CDH22: variants seen among roughly 807,000 people sequenced by gnomAD.
CDH22 encodes the protein cadherin-22.
A neutral mutation model predicts 58.4 loss-of-function variants in CDH22; 30 were observed. The ratio of observed to expected loss-of-function variants is 0.51; its 90% CI spans 0.38 to 0.70. The LOEUF is 0.70. CDH22 is among the 30% of genes least tolerant of loss of function. CDH22 has a pLI of 0.00. For missense variants in CDH22, 1,014 were observed against 1,233.9 expected (o/e 0.82, Z 2.67); for synonymous variants, 513 against 558.2 (o/e 0.92, Z 1.14).
chr20:46,297,395 G>A (rs2086633467), intron 1 of CDH22, among the ~76,000 whole-genome samples: 1 of 151,980 alleles, frequency 6.6e-6, no homozygotes. Flanking sequence ...GGGATGGAAC[G>A]GGGGCTCAGG....
chr20:46,303,603 G>C (rs1403587648), intron 1 of CDH22, among the ~76,000 whole-genome samples: 1 of 152,178 alleles, frequency 6.6e-6, no homozygotes, highest in African/African-American at 2.4e-5. Flanking sequence ...TGTATGGTCA[G>C]ACAGGCAGAT....
intron 10 of CDH22, among the ~76,000 whole-genome samples, chr20:46,184,645 C>G (rs1242908590): frequency 6.6e-6 from 1 of 152,148 alleles, no homozygotes; most frequent in Non-Finnish European, 1.5e-5. Flanking sequence ...GGAGCAGACC[C>G]CGACACAGAG....
chr20:46,174,626 G>A lies in CDH22; in HGVS notation c.2367C>T (p.His789=). ...CCTGCTCGGAGCCCGACGAGCCGCT[G>A]TGCAGGGAGCTGAGCGAGGCGGCCG... is the stretch of plus-strand genomic sequence containing the variant. ...DSPAASLSSL[H]SGSSGSEQDF... The change falls in exon 12 of 12, where the codon CAC becomes CAT. Residue 789 remains histidine (H), a synonymous_variant. Coordinates refer to ENST00000537909, the MANE Select transcript of CDH22 (RefSeq NM_021248.3). The surrounding 1 kb of genome is among the most constrained non-coding windows in gnomAD (Gnocchi z 4.4). The A allele has an allele frequency of 6.5e-7, 1 of 1,548,750 alleles. No individual in the cohort carries two copies. Among genetic ancestry groups the A allele is most frequent in the South Asian group, 1.2e-5 (1 of 84,608 alleles).
At chr20:46,262,692 C>T (rs2086439134) in intron 1 of CDH22, among the ~76,000 whole-genome samples, 1 of 152,166 alleles carries the variant, frequency 6.6e-6, no homozygotes, top group South Asian at 2.1e-4. Context: ...CCCAAGGTCA[C>T]ACAACTGATA....
intron 1 of CDH22, among the ~76,000 whole-genome samples, chr20:46,287,084 A>G (rs541482054): frequency 6.6e-6 from 1 of 152,122 alleles, no homozygotes; most frequent in Non-Finnish European, 1.5e-5. Flanking sequence ...ATCCCATGGA[A>G]TTTAATATCA....
chr20:46,262,394 C>A (rs2086437666), intron 1 of CDH22, among the ~76,000 whole-genome samples: 1 of 152,018 alleles, frequency 6.6e-6, no homozygotes, highest in South Asian at 2.1e-4. Context: ...TGACCTGGGG[C>A]CCCCAGTCTT....
chr20:46,202,593 TC>T (rs1255420145), intron 7 of CDH22, among the ~76,000 whole-genome samples: 1 of 152,104 alleles, frequency 6.6e-6, no homozygotes, highest in Non-Finnish European at 1.5e-5. Flanking sequence ...GACCTTGTGA[TC>T]CGCCCGCCTC....
At chr20:46,244,391 C>T (rs2086313728) in intron 2 of CDH22, among the ~76,000 whole-genome samples, 1 of 152,208 alleles carries the variant, frequency 6.6e-6, no homozygotes, top group Admixed American at 6.5e-5. Flanking sequence ...GTTGCCTGCC[C>T]TGCCTGCCTG....
chr20:46,290,340 C>T (rs1456627077), intron 1 of CDH22, among the ~76,000 whole-genome samples: 1 of 152,218 alleles, frequency 6.6e-6, no homozygotes, highest in Non-Finnish European at 1.5e-5. Context: ...CTGGTTGTCA[C>T]AACTGGGTGG....
At chr20:46,234,101 A>T (rs978369197) in intron 3 of CDH22, among the ~76,000 whole-genome samples, 1 of 152,206 alleles carries the variant, frequency 6.6e-6, no homozygotes, top group African/African-American at 2.4e-5. Context: ...TTTAAGAATC[A>T]GATAGTGTGC....
intron 8 of CDH22, among the ~76,000 whole-genome samples, chr20:46,198,074 G>A (rs2085921045): frequency 6.6e-6 from 1 of 152,090 alleles, no homozygotes. Context: ...GAGACCTTGA[G>A]GGCTGATGGG....
chr20:46,209,423 G>A (rs1191889919), intron 7 of CDH22, among the ~76,000 whole-genome samples: 1 of 152,154 alleles, frequency 6.6e-6, no homozygotes, highest in African/African-American at 2.4e-5. Flanking sequence ...GTCATTGTAA[G>A]GGCTTGGGCT....
chr20:46,225,615 A>C (rs2086165510), intron 4 of CDH22, among the ~76,000 whole-genome samples: 1 of 152,182 alleles, frequency 6.6e-6, no homozygotes, highest in Admixed American at 6.5e-5. Flanking sequence ...GATGGGGTGA[A>C]GAATTGCTAC....
rs6017754 is a variant in CDH22 at position 46,192,833 on chromosome 20, A to G, written c.1424-5886T>C. Among the ~76,000 whole-genome samples the G allele has an allele frequency of 4.6e-3, 703 of 152,180 alleles. 6 individuals are homozygous for G. Among genetic ancestry groups the G allele is most frequent in the African/African-American group, 0.016 (661 of 41,518 alleles). ...CAGGCAGGACAGTGAGGCGCACGGG[A>G]CGAGCAGATGGGGGTGCTCCAGGGA... is the stretch of plus-strand genomic sequence containing the variant. On this transcript the variant is annotated intron_variant, in intron 8 of 11. Coordinates refer to ENST00000537909, the MANE Select transcript of CDH22 (RefSeq NM_021248.3).
At chr20:46,190,867 G>A (rs2085858110) in intron 8 of CDH22, among the ~76,000 whole-genome samples, 1 of 152,136 alleles carries the variant, frequency 6.6e-6, no homozygotes, top group African/African-American at 2.4e-5. Flanking sequence ...GGGTGCCTAG[G>A]GTAGAGACCA....
At chr20:46,253,497 T>C (rs1369673267) in intron 1 of CDH22, among the ~76,000 whole-genome samples, 1 of 152,140 alleles carries the variant, frequency 6.6e-6, no homozygotes, top group Non-Finnish European at 1.5e-5. Flanking sequence ...GGAGGACCCA[T>C]GATCCTGTGG....
chr20:46,274,157 C>T (rs923852097), intron 1 of CDH22, among the ~76,000 whole-genome samples: 2 of 152,136 alleles, frequency 1.3e-5, no homozygotes, highest in Admixed American at 1.3e-4. Flanking sequence ...AACAGTCATG[C>T]CTGATGCTGA....
chr20:46,285,735 C>T (rs1470323868), intron 1 of CDH22, among the ~76,000 whole-genome samples: 1 of 152,182 alleles, frequency 6.6e-6, no homozygotes, highest in Non-Finnish European at 1.5e-5. Flanking sequence ...AGGCAAGATT[C>T]AGGGTTCAGA....
intron 7 of CDH22, among the ~76,000 whole-genome samples, chr20:46,204,240 A>G (rs1257126649): frequency 6.6e-6 from 1 of 151,954 alleles, no homozygotes; most frequent in Non-Finnish European, 1.5e-5. Flanking sequence ...TAAAAATACA[A>G]AAAATTAGCT....
Sources: allele counts gnomAD v4.1 joint callset (sites outside exome capture counted in the v4.1 genomes callset), GRCh38; gene constraint gnomAD v4.1.1; non-coding constraint Gnocchi (gnomAD v3.1); transcripts MANE v1.5; gene names NCBI Gene and HGNC (gene_info 2026-07-23, HGNC 2026-07-21).